Variants in NEK1 observed in about 807,000 individuals in gnomAD.
NEK1 encodes the protein NIMA related kinase 1, also known as serine/threonine-protein kinase Nek1.
In NEK1, 137 loss-of-function variants were observed where a neutral mutation model predicts 182.1. The observed-to-expected ratio is 0.75, with a 90% CI of 0.65 to 0.87. The LOEUF (loss-of-function observed/expected upper bound fraction) is 0.87, where lower values mean the gene tolerates loss of function less well. Among genes scored for constraint, NEK1 ranks in the 40% least tolerant of loss-of-function variants. The pLI, the probability that NEK1 is intolerant of heterozygous loss-of-function variation, is 0.00. For synonymous variants in NEK1, 513 were observed against 492.2 expected, an observed-to-expected ratio of 1.04 and a Z score of -0.56; for missense variants, 1,391 against 1,494.4, an observed-to-expected ratio of 0.93 and a Z score of 1.14.
chr4:169,569,461 TC>T (rs1245781925), intron 12 of NEK1, among the ~76,000 whole-genome samples: 1 of 76,208 alleles, frequency 1.3e-5, no homozygotes, highest in African/African-American at 7.3e-5. Context: ...CCTCCCTCTC[TC>T]CCTCCCTCCC....
At chr4:169,544,214 A>G (rs1253350003) in intron 18 of NEK1, among the ~76,000 whole-genome samples, 2 of 152,138 alleles carry the variant, frequency 1.3e-5, no homozygotes, top group Non-Finnish European at 2.9e-5. Context: ...TTCTGCATCT[A>G]TTGAGATAAT....
intron 23 of NEK1, among the ~76,000 whole-genome samples, chr4:169,483,589 G>A (rs112448483): frequency 0.072 from 10,870 of 151,860 alleles, 1,276 homozygotes; most frequent in African/African-American, 0.25. Context: ...CAAATAGGCC[G>A]GGCGCAGTGG....
intron 19 of NEK1, among the ~76,000 whole-genome samples, chr4:169,527,606 G>C (rs964011799): frequency 6.6e-6 from 1 of 151,940 alleles, no homozygotes; most frequent in African/African-American, 2.4e-5. Context: ...ATTGTAAAAA[G>C]TAAAGTATGT....
chr4:169,484,615 A>C (rs1002761518), intron 23 of NEK1, among the ~76,000 whole-genome samples: 3 of 152,192 alleles, frequency 2.0e-5, no homozygotes, highest in African/African-American at 7.2e-5. Context: ...AGAATGAAAC[A>C]AAAAATATAG....
At chr4:169,493,507 G>T (rs535221754) in intron 23 of NEK1, among the ~76,000 whole-genome samples, 2 of 152,286 alleles carry the variant, frequency 1.3e-5, no homozygotes, top group East Asian at 3.9e-4. Context: ...AACTCCACAA[G>T]ATCTGAGAGG....
intron 18 of NEK1, among the ~76,000 whole-genome samples, chr4:169,540,986 C>T (rs1364368363): frequency 6.6e-6 from 1 of 151,816 alleles, no homozygotes; most frequent in African/African-American, 2.4e-5. Flanking sequence ...GAACTGCATG[C>T]CTCACATCCA....
rs554263427 is a variant in NEK1, at chr4:169,585,426, T to C, written c.730A>G (p.Arg244Gly). ...ATGGAGTTGACTGATGGTCTATCCC[T>C]AGGATTTCTTTTAAATAACTGAGAC... ...LVSQLFKRNP[R>G]DRPSVNSILE... The change falls in exon 10 of 36, where the codon AGG becomes GGG. Residue 244 changes from arginine to glycine, a missense_variant. Physicochemically the swap from Arg to Gly is moderately radical, Grantham distance 125. Transcript: ENST00000507142. 4 of 1,613,686 alleles carry C rather than the reference T, an allele frequency of 2.5e-6. No individual in the cohort carries two copies. The highest frequency in any genetic ancestry group is 1.1e-5 in the South Asian group (1 of 91,064).
intron 19 of NEK1, among the ~76,000 whole-genome samples, chr4:169,522,756 G>A (rs1756291399): frequency 6.6e-6 from 1 of 152,188 alleles, no homozygotes; most frequent in Non-Finnish European, 1.5e-5. Flanking sequence ...CTTCACCACT[G>A]TCCTGAGCTT....
At chr4:169,442,727 G>C (rs991274681) in intron 27 of NEK1, among the ~76,000 whole-genome samples, 1 of 152,152 alleles carries the variant, frequency 6.6e-6, no homozygotes, top group South Asian at 2.1e-4. Context: ...ATTCAACATA[G>C]ATATCATTAA....
chr4:169,598,763 C>A (rs145325581), intron 5 of NEK1, among the ~76,000 whole-genome samples: 8 of 152,180 alleles, frequency 5.3e-5, no homozygotes, highest in African/African-American at 1.7e-4. Context: ...CCTGGCAAAG[C>A]CACATTTTAG....
intron 19 of NEK1, among the ~76,000 whole-genome samples, chr4:169,524,536 CTCAAA>C (rs763414305): frequency 1.4e-5 from 2 of 145,368 alleles, no homozygotes; most frequent in Non-Finnish European, 3.0e-5. Context: ...TTTTATAATA[CTCAAA>C]TCAAACAGAA....
At chr4:169,506,220 T>C (rs994642475) in intron 23 of NEK1, among the ~76,000 whole-genome samples, 1 of 152,168 alleles carries the variant, frequency 6.6e-6, no homozygotes, top group East Asian at 1.9e-4. Context: ...TAAAGCATAT[T>C]GTAAATAATT....
intron 2 of NEK1, among the ~76,000 whole-genome samples, chr4:169,608,116 T>TACACACACACACACAC (rs57287742): frequency 6.1e-5 from 9 of 147,998 alleles, no homozygotes; most frequent in Admixed American, 1.4e-4. Flanking sequence ...CACACACACA[T>TACACACACACACACAC]ACACACACAC....
chr4:169,423,692 T>G (rs1391777196), intron 31 of NEK1, among the ~76,000 whole-genome samples: 1 of 152,158 alleles, frequency 6.6e-6, no homozygotes, highest in African/African-American at 2.4e-5. Context: ...ATTCCACTTA[T>G]AGAAATTTAT....
At chr4:169,516,349 T>A (rs2149729839) in intron 19 of NEK1, among the ~76,000 whole-genome samples, 1 of 130,806 alleles carries the variant, frequency 7.6e-6, no homozygotes, top group South Asian at 2.3e-4. Flanking sequence ...TTGATGGGGT[T>A]GTTTGTTTTT....
chr4:169,591,951 A>C (rs1454435039), intron 5 of NEK1, among the ~76,000 whole-genome samples: 1 of 152,168 alleles, frequency 6.6e-6, no homozygotes, highest in Non-Finnish European at 1.5e-5. Flanking sequence ...ACAAAATAAG[A>C]AGTGGACAAA....
intron 6 of NEK1, among the ~76,000 whole-genome samples, chr4:169,590,019 C>T (rs1768179041): frequency 1.3e-5 from 2 of 151,892 alleles, no homozygotes; most frequent in African/African-American, 4.8e-5. Context: ...TAGAAGTAGG[C>T]AAAAGGGGCC....
chr4:169,513,012 C>T (rs896182440), intron 19 of NEK1, among the ~76,000 whole-genome samples: 2 of 152,042 alleles, frequency 1.3e-5, no homozygotes, highest in Admixed American at 6.6e-5. Context: ...TATAAGTTAG[C>T]CTCAAAATCA....
chr4:169,514,211 C>A (rs1362792344), intron 19 of NEK1, among the ~76,000 whole-genome samples: 2 of 152,172 alleles, frequency 1.3e-5, no homozygotes, highest in Non-Finnish European at 2.9e-5. Context: ...TGGTCTTGAT[C>A]TCTTGACCTC....
Sources: gnomAD v4.1 joint callset for allele counts (sites outside exome capture counted in the v4.1 genomes callset) on GRCh38, gnomAD v4.1.1 for gene constraint, MANE v1.5 for transcripts, NCBI Gene and HGNC (gene_info 2026-07-23, HGNC 2026-07-21) for gene names.